Variants in MACROD2 observed in about 807,000 individuals in gnomAD.
The protein encoded by MACROD2 is ADP-ribose glycohydrolase MACROD2.
In MACROD2, 36 loss-of-function variants were observed where a neutral mutation model predicts 70.4. The observed-to-expected ratio is 0.51, with a 90% CI of 0.39 to 0.68. The LOEUF is 0.68. Ranked by LOEUF, MACROD2 falls within the 30% of genes least tolerant of loss-of-function variation. The probability of loss-of-function intolerance (pLI) is 0.00; values close to 1 mark genes in which losing one functional copy is unlikely to be tolerated. For synonymous variants in MACROD2, 172 were observed against 178.8 expected (o/e 0.96, Z 0.30); for missense variants, 496 against 538.4 (o/e 0.92, Z 0.78).
chr20:14,330,186 T>C lies in MACROD2; in HGVS notation c.272-163293T>C, dbSNP rs1313477243. On this transcript the variant is annotated intron_variant, in intron 3 of 17. Transcript: ENST00000684519. The stretch of plus-strand genomic sequence containing the variant: ...TTGCCAGTTTTTAATAAGTGTATTT[T>C]TCATTTCCAAAAGAAGACTTTTGGC... Among the ~76,000 whole-genome samples the C allele has an allele frequency of 2.0e-5, 3 of 152,088 alleles. No individual in the cohort carries two copies. In the East Asian group the frequency reaches 5.8e-4, roughly 29 times the overall value.
chr20:14,789,459 AATTTTTTTTTT>A (rs2072419947), intron 5 of MACROD2, among the ~76,000 whole-genome samples: 1 of 48,828 alleles, frequency 2.0e-5, no homozygotes, highest in East Asian at 4.1e-4. Context: ...AGGTAGTGCA[AATTTTTTTTTT>A]TTTTTTTTTT....
At chr20:15,492,017 G>A (rs1049690699) in intron 7 of MACROD2, among the ~76,000 whole-genome samples, 1 of 152,316 alleles carries the variant, frequency 6.6e-6, no homozygotes, top group Non-Finnish European at 1.5e-5. Context: ...TGCCTACTAG[G>A]TGCCCCTTTG....
chr20:14,146,337 A>AC (rs1555925650), intron 3 of MACROD2, among the ~76,000 whole-genome samples: 12 of 152,090 alleles, frequency 7.9e-5, no homozygotes, highest in African/African-American at 2.9e-4. Flanking sequence ...AAAAAACAAA[A>AC]AACAAAGATT....
intron 13 of MACROD2, among the ~76,000 whole-genome samples, chr20:15,983,252 T>G (rs1305277689): frequency 6.6e-6 from 1 of 152,196 alleles, no homozygotes; most frequent in Non-Finnish European, 1.5e-5. Flanking sequence ...TAAATAGATG[T>G]GAGAGTTGAA....
chr20:14,959,118 T>C (rs1024632410), intron 5 of MACROD2, among the ~76,000 whole-genome samples: 6 of 152,026 alleles, frequency 3.9e-5, no homozygotes, highest in Non-Finnish European at 5.9e-5. Context: ...TGAATTCTTT[T>C]TGTTGTTGTT....
At chr20:15,892,932 T>C in intron 10 of MACROD2, 2 of 398,848 alleles carry the variant, frequency 5.0e-6, no homozygotes, top group Non-Finnish European at 8.9e-6. Context: ...TCCAGAGGGG[T>C]TAGAGCCAAA....
chr20:15,454,558 C>T (rs10485526), intron 7 of MACROD2, among the ~76,000 whole-genome samples: 32,403 of 151,890 alleles, frequency 0.21, 4,396 homozygotes, highest in East Asian at 0.66. Flanking sequence ...GTTTAGGTCT[C>T]ATTTACCCAT....
intron 3 of MACROD2, among the ~76,000 whole-genome samples, chr20:14,404,616 A>G (rs2083673851): frequency 6.6e-6 from 1 of 151,978 alleles, no homozygotes; most frequent in African/African-American, 2.4e-5. Context: ...AAATAATAAT[A>G]TATTGAAACC....
chr20:14,852,633 G>C (rs2073211397), intron 5 of MACROD2, among the ~76,000 whole-genome samples: 1 of 152,122 alleles, frequency 6.6e-6, no homozygotes, highest in Admixed American at 6.6e-5. Flanking sequence ...ATGCCAGCAT[G>C]AGGCCACACT....
chr20:14,794,512 C>T (rs1283375046), intron 5 of MACROD2, among the ~76,000 whole-genome samples: 19 of 152,096 alleles, frequency 1.2e-4, no homozygotes, highest in Non-Finnish European at 2.4e-4. Flanking sequence ...TAAATGCAAA[C>T]ACTTTTCCAA....
intron 3 of MACROD2, among the ~76,000 whole-genome samples, chr20:14,174,953 G>C (rs1271618609): frequency 6.6e-6 from 1 of 152,154 alleles, no homozygotes; most frequent in Non-Finnish European, 1.5e-5. Flanking sequence ...GGAACTTCAA[G>C]TTCCTCAGTG....
chr20:14,622,172 A>C (rs1003959600), intron 4 of MACROD2, among the ~76,000 whole-genome samples: 2 of 152,182 alleles, frequency 1.3e-5, no homozygotes, highest in Admixed American at 1.3e-4. Flanking sequence ...TGGATAATAA[A>C]GATATTAGAA....
chr20:16,020,217 C>A (rs549075239), intron 15 of MACROD2, among the ~76,000 whole-genome samples: 2 of 152,176 alleles, frequency 1.3e-5, no homozygotes, highest in Admixed American at 6.5e-5. Context: ...ACTCTAAACT[C>A]CAGCCGTCTT....
chr20:15,774,055 C>G (rs1600870799), intron 8 of MACROD2, among the ~76,000 whole-genome samples: 2 of 152,164 alleles, frequency 1.3e-5, no homozygotes, highest in African/African-American at 2.4e-5. Flanking sequence ...TTCTCTCTTT[C>G]TCTCTTCCTG....
At chr20:14,497,238 A>G (rs1214595842) in intron 4 of MACROD2, among the ~76,000 whole-genome samples, 1 of 151,744 alleles carries the variant, frequency 6.6e-6, no homozygotes, top group Non-Finnish European at 1.5e-5. Flanking sequence ...GTCTTACAGT[A>G]CTCTTGGATT....
chr20:15,000,874 T>G (rs547823723), intron 5 of MACROD2, among the ~76,000 whole-genome samples: 1 of 152,136 alleles, frequency 6.6e-6, no homozygotes, highest in Admixed American at 6.5e-5. Context: ...TTTAATAACT[T>G]CAAAAGAGAT....
At chr20:14,623,735 C>G (rs1375859512) in intron 4 of MACROD2, among the ~76,000 whole-genome samples, 2 of 152,112 alleles carry the variant, frequency 1.3e-5, no homozygotes, top group Non-Finnish European at 2.9e-5. Context: ...CCAAGGTTCA[C>G]TGAAAAGATG....
intron 4 of MACROD2, among the ~76,000 whole-genome samples, chr20:14,507,366 C>T (rs2084980035): frequency 6.6e-6 from 1 of 151,862 alleles, no homozygotes; most frequent in Admixed American, 6.6e-5. Flanking sequence ...GAATGGTGAT[C>T]ACCAGAGACC....
intron 4 of MACROD2, among the ~76,000 whole-genome samples, chr20:14,664,922 A>C (rs1468203259): frequency 6.6e-6 from 1 of 152,092 alleles, no homozygotes; most frequent in Non-Finnish European, 1.5e-5. Flanking sequence ...TGCTTTTTTC[A>C]CAAAACCTGT....
Sources: gnomAD v4.1 joint callset for allele counts (sites outside exome capture counted in the v4.1 genomes callset) on GRCh38, gnomAD v4.1.1 for gene constraint, MANE v1.5 for transcripts, NCBI Gene and HGNC (gene_info 2026-07-23, HGNC 2026-07-21) for gene names.